The following TBL1X variants were observed in gnomAD, a reference collection of about 807,000 sequenced individuals.
The protein encoded by TBL1X is F-box-like/WD repeat-containing protein TBL1X.
A neutral mutation model predicts 50.7 loss-of-function variants in TBL1X; 10 were observed. The observed-to-expected ratio is 0.20, with a 90% CI of 0.12 to 0.33. The LOEUF is 0.33. Among genes scored for constraint, TBL1X ranks in the 10% least tolerant of loss-of-function variants. The pLI is 1.00. For missense variants in TBL1X, 340 were observed against 504.4 expected, an observed-to-expected ratio of 0.67 and a Z score of 3.12; for synonymous variants, 190 against 214.7, an observed-to-expected ratio of 0.88 and a Z score of 1.01.
chrX:9,600,936 T>G (rs1256509307), intron 2 of TBL1X, among the ~76,000 whole-genome samples: 1 of 111,425 alleles, frequency 9.0e-6, no homozygotes, highest in Non-Finnish European at 1.9e-5. Context: ...TATCCAGAGG[T>G]GATCTTCTTG....
chrX:9,565,271 C>CAAAAAAA (rs757679440), intron 2 of TBL1X, among the ~76,000 whole-genome samples: 15,617 of 37,077 alleles, frequency 0.42, 4,084 homozygotes, highest in Non-Finnish European at 0.51. Flanking sequence ...GACTCCGTCT[C>CAAAAAAA]AAAAAAAAAA....
chrX:9,576,391 C>T (rs186500412), intron 2 of TBL1X, among the ~76,000 whole-genome samples: 32 of 112,386 alleles, frequency 2.8e-4, no homozygotes, highest in Non-Finnish European at 2.1e-4. Flanking sequence ...CCACACCCAT[C>T]GGGAGAGATT....
chrX:9,612,704 T>C (rs1408124397), intron 2 of TBL1X, among the ~76,000 whole-genome samples: 1 of 111,367 alleles, frequency 9.0e-6, no homozygotes, highest in Non-Finnish European at 1.9e-5. Context: ...TTCCAATGTC[T>C]GTCTGAAATT....
chrX:9,594,825 A>G, intron 2 of TBL1X, among the ~76,000 whole-genome samples: 1 of 111,873 alleles, frequency 8.9e-6, no homozygotes, highest in Admixed American at 9.4e-5. Flanking sequence ...ATCAGTGGGT[A>G]GTCCTGACTT....
intron 3 of TBL1X, among the ~76,000 whole-genome samples, chrX:9,651,481 TAAACTC>T (rs747696839): frequency 2.2e-3 from 245 of 112,700 alleles, no homozygotes; most frequent in Non-Finnish European, 3.8e-3. Context: ...GAGAGAAACC[TAAACTC>T]TATACATTTG....
intron 2 of TBL1X, among the ~76,000 whole-genome samples, chrX:9,534,288 C>T (rs1007824840): frequency 9.0e-6 from 1 of 111,329 alleles, no homozygotes; most frequent in African/African-American, 3.3e-5. Context: ...TTGTGAGGCT[C>T]CTGTCATCTG....
At chrX:9,475,402 C>T (rs746793055) in intron 1 of TBL1X, among the ~76,000 whole-genome samples, 5 of 110,326 alleles carry the variant, frequency 4.5e-5, no homozygotes, top group East Asian at 2.9e-4. Flanking sequence ...ACCACCACCA[C>T]GCCTGGCTAA....
At chrX:9,601,862 C>T (rs1400586025) in intron 2 of TBL1X, among the ~76,000 whole-genome samples, 3 of 111,558 alleles carry the variant, frequency 2.7e-5, no homozygotes, top group Non-Finnish European at 5.6e-5. Flanking sequence ...GCCAACATGG[C>T]GAAACCCTGT....
intron 2 of TBL1X, among the ~76,000 whole-genome samples, chrX:9,557,085 T>G (rs2082304509): frequency 8.9e-6 from 1 of 112,220 alleles, no homozygotes; most frequent in Non-Finnish European, 1.9e-5. Flanking sequence ...AAGTTGTTCA[T>G]GGTTTCTGGG....
intron 3 of TBL1X, among the ~76,000 whole-genome samples, chrX:9,647,479 C>T (rs1355682959): frequency 3.6e-5 from 4 of 111,778 alleles, no homozygotes; most frequent in Non-Finnish European, 7.5e-5. Flanking sequence ...AAAGCTGGGT[C>T]AGGCAAGAAA....
intron 2 of TBL1X, among the ~76,000 whole-genome samples, chrX:9,632,013 A>C (rs1350869769): frequency 8.9e-6 from 1 of 112,455 alleles, no homozygotes; most frequent in African/African-American, 3.2e-5. Context: ...AGTTCTTTAA[A>C]GATTTCATTG....
At chrX:9,467,401 C>A (rs1230749181) in intron 1 of TBL1X, among the ~76,000 whole-genome samples, 1 of 112,298 alleles carries the variant, frequency 8.9e-6, no homozygotes, top group Non-Finnish European at 1.9e-5. Flanking sequence ...GCCCTGTGGG[C>A]CTCCTGGCTT....
rs182631435 is a variant in TBL1X at position 9,710,574 on chromosome X, A to G, written c.1439+814A>G. On this transcript the variant is annotated intron_variant, in intron 15 of 17. Coordinates refer to ENST00000645353, the MANE Select transcript of TBL1X (RefSeq NM_005647.4). ...GCATAAATTATCCTTTTAGTCAGCA[A>G]GTATAAAAGGGGCATCCCGGTACCT... Among the ~76,000 whole-genome samples the G allele has an allele frequency of 2.7e-5, 3 of 112,159 alleles. No individual in the cohort carries two copies. The East Asian group carries it at 8.4e-4, about 31-fold the overall frequency.
chrX:9,646,119 A>C (rs2082803231), intron 3 of TBL1X, among the ~76,000 whole-genome samples: 1 of 112,761 alleles, frequency 8.9e-6, no homozygotes, highest in Admixed American at 9.3e-5. Flanking sequence ...CGTATCGTGC[A>C]CATAGCACTC....
At chrX:9,466,727 G>A (rs920065313) in intron 1 of TBL1X, among the ~76,000 whole-genome samples, 14 of 112,099 alleles carry the variant, frequency 1.2e-4, no homozygotes, top group African/African-American at 4.5e-4. Context: ...TTTATGAAAA[G>A]TTTACAAGTC....
chrX:9,512,850 C>T (rs2082063115), intron 2 of TBL1X, among the ~76,000 whole-genome samples: 1 of 111,627 alleles, frequency 9.0e-6, no homozygotes, highest in Non-Finnish European at 1.9e-5. Flanking sequence ...GTGAGTCTTT[C>T]AGGGAAAGAT....
At chrX:9,681,033 G>A (rs2083022484) in intron 5 of TBL1X, among the ~76,000 whole-genome samples, 1 of 112,470 alleles carries the variant, frequency 8.9e-6, no homozygotes, top group Admixed American at 9.4e-5. Flanking sequence ...ATCTAGAAAT[G>A]AAATCTGTGT....
rs141637052 is a variant in TBL1X, at chrX:9,700,529, C to T, written c.1114+3100C>T. Among the ~76,000 whole-genome samples the T allele has an allele frequency of 1.8e-3, 197 of 111,808 alleles. 1 individual carries two copies. Among genetic ancestry groups the T allele is most frequent in the African/African-American group, 6.4e-3 (196 of 30,808 alleles). On this transcript the variant is annotated intron_variant, in intron 12 of 17. Coordinates refer to ENST00000645353, the MANE Select transcript of TBL1X (RefSeq NM_005647.4). ...GCCATGAGGTAGACCCAATTCCCGTCGGCAGGTCAGACATATCTAGGCGTT... is the reference window on the plus strand; with the variant it reads ...GCCATGAGGTAGACCCAATTCCCGTTGGCAGGTCAGACATATCTAGGCGTT...
At chrX:9,478,186 T>C (rs1207383703) in intron 1 of TBL1X, among the ~76,000 whole-genome samples, 6 of 111,386 alleles carry the variant, frequency 5.4e-5, no homozygotes, top group African/African-American at 2.0e-4. Context: ...TGTTTGCGTG[T>C]TAACAGTGGG....
Sources: allele counts gnomAD v4.1 joint callset (sites outside exome capture counted in the v4.1 genomes callset), GRCh38; gene constraint gnomAD v4.1.1; transcripts MANE v1.5; gene names NCBI Gene and HGNC (gene_info 2026-07-23, HGNC 2026-07-21).